The following MICU2 variants were observed in gnomAD, a reference collection of about 807,000 sequenced individuals.
MICU2 encodes calcium uptake protein 2, mitochondrial.
A neutral mutation model predicts 60.4 loss-of-function variants in MICU2; 64 were observed. The observed-to-expected ratio is 1.06, with a 90% CI of 0.87 to 1.31. The LOEUF (loss-of-function observed/expected upper bound fraction) is 1.31. Ranked by LOEUF, MICU2 falls within the 50% of genes most tolerant of loss-of-function variation. The pLI, the probability that MICU2 is intolerant of heterozygous loss-of-function variation, is 0.00. For missense variants in MICU2, 569 were observed against 531.0 expected (o/e 1.07, Z -0.70); for synonymous variants, 201 against 175.0 (o/e 1.15, Z -1.17).
chr13:21,501,294 GCT>G (rs1309732227), intron 9 of MICU2, among the ~76,000 whole-genome samples: 2 of 149,612 alleles, frequency 1.3e-5, no homozygotes, highest in African/African-American at 2.5e-5. Context: ...ACAGAGTCTT[GCT>G]CTGTCACCCA....
intron 1 of MICU2, among the ~76,000 whole-genome samples, chr13:21,589,782 C>G (rs1888538087): frequency 7.6e-6 from 1 of 131,526 alleles, no homozygotes; most frequent in Non-Finnish European, 1.8e-5. Flanking sequence ...AACCACTCAC[C>G]CCGTAGTGCA....
intron 1 of MICU2, among the ~76,000 whole-genome samples, chr13:21,602,475 T>C (rs1051893526): frequency 1.3e-5 from 2 of 152,070 alleles, no homozygotes; most frequent in Non-Finnish European, 2.9e-5. Context: ...TAAGCCGAGA[T>C]AGCGCCACTG....
intron 2 of MICU2, among the ~76,000 whole-genome samples, chr13:21,562,770 ACTGTTAT>A: frequency 6.6e-6 from 1 of 152,238 alleles, no homozygotes; most frequent in East Asian, 1.9e-4. Flanking sequence ...TTTTGATTAA[ACTGTTAT>A]CTGTTATATC....
intron 1 of MICU2, among the ~76,000 whole-genome samples, chr13:21,572,824 T>A (rs1888142271): frequency 6.6e-6 from 1 of 152,038 alleles, no homozygotes; most frequent in Non-Finnish European, 1.5e-5. Context: ...TTACAACCAA[T>A]CAACAGGCCC....
intron 2 of MICU2, among the ~76,000 whole-genome samples, chr13:21,559,802 G>A (rs1887796290): frequency 6.6e-6 from 1 of 152,150 alleles, no homozygotes; most frequent in South Asian, 2.1e-4. Context: ...TGGGATTACA[G>A]GGGTGAGCCA....
Position 21,508,360 on chromosome 13 carries a change from C to T in MICU2, c.761+1644G>A, listed in dbSNP as rs186397985. Among the ~76,000 whole-genome samples, 60 of 152,192 alleles carry T rather than the reference C, an allele frequency of 3.9e-4. No individual in the cohort carries two copies. The East Asian group carries it at 9.3e-3, about 24-fold the overall frequency. ...CAGGATGGTCTCGGTCTCCTGACCTCGTGATCCACCACCTCGGCCTTCCAA... is the reference window on the plus strand; with the variant it reads ...CAGGATGGTCTCGGTCTCCTGACCTTGTGATCCACCACCTCGGCCTTCCAA... On this transcript the variant is annotated intron_variant, in intron 8 of 11. Transcript: ENST00000382374.
intron 8 of MICU2, among the ~76,000 whole-genome samples, chr13:21,508,565 TA>T (rs2138145646): frequency 6.6e-6 from 1 of 152,316 alleles, no homozygotes; most frequent in South Asian, 2.1e-4. Flanking sequence ...ATCACTGAGT[TA>T]ATCAACAAGC....
At position 21,571,410 on chromosome 13, in the gene MICU2, A is replaced by G. The variant is rs115678129; in HGVS notation, c.211-4466T>C. ...GAAATTAAAATTTTAAAAAAAATCA[A>G]TATTAGGCTGGGCACGGGGGCTCAC... On this transcript the variant is annotated intron_variant, in intron 1 of 11. Coordinates refer to ENST00000382374, the MANE Select transcript of MICU2 (RefSeq NM_152726.3). Among the ~76,000 whole-genome samples, 656 of 152,258 alleles carry G rather than the reference A, an allele frequency of 4.3e-3. 6 individuals are homozygous for G. The highest frequency in any genetic ancestry group is 0.015 in the African/African-American group (603 of 41,560).
At chr13:21,550,725 G>A (rs1289293164) in intron 2 of MICU2, among the ~76,000 whole-genome samples, 1 of 152,124 alleles carries the variant, frequency 6.6e-6, no homozygotes, top group Admixed American at 6.6e-5. Context: ...AAGAGTGACA[G>A]TTTCAGAGCC....
chr13:21,603,991 T>G lies in MICU2; in HGVS notation c.158A>C (p.His53Pro), dbSNP rs569060051. ...ALAGAGAAWH[H>P]SRVSVAARDG... The stretch of plus-strand genomic sequence containing the variant: ...CCGCGCCGCAACACTGACGCGGCTG[T>G]GGTGCCAGGCCGCTCCTGCTCCTGC... The change falls in exon 1 of 12, where the codon CAC becomes CCC. Residue 53 changes from histidine to proline, a missense_variant. Physicochemically the swap from His to Pro is moderately conservative, Grantham distance 77. Transcript: ENST00000382374. 6.2e-4 allele frequency: 1,007 copies of G among 1,611,818 alleles called. 13 individuals carry two copies. The South Asian group carries it at 0.011, about 17-fold the overall frequency.
At position 21,559,290 on chromosome 13, in the gene MICU2, GCA is replaced by G. The variant is rs1377125568; in HGVS notation, c.358+7505_358+7506del. 3.9e-4 allele frequency among the ~76,000 whole-genome samples: 59 copies of G among 152,100 alleles called. 1 individual carries two copies. The highest frequency in any genetic ancestry group is 3.8e-3 in the Admixed American group (58 of 15,260). ...AATTTCATTGTGTGAATACACTGTA[GCA>G]CAGTTTATTTATCCAGTCTGTTATT... On this transcript the variant is annotated intron_variant, in intron 2 of 11. Transcript: ENST00000382374.
At chr13:21,526,007 T>C (rs1423851061) in intron 4 of MICU2, among the ~76,000 whole-genome samples, 1 of 151,830 alleles carries the variant, frequency 6.6e-6, no homozygotes, top group African/African-American at 2.4e-5. Flanking sequence ...CAGTAGTGGT[T>C]CACTGCAGCC....
intron 1 of MICU2, among the ~76,000 whole-genome samples, chr13:21,571,123 T>C (rs951871104): frequency 2.0e-5 from 3 of 152,188 alleles, no homozygotes; most frequent in Admixed American, 6.5e-5. Context: ...GCTATTTTCA[T>C]GTTCCCTGAA....
At chr13:21,512,951 A>G (rs1026037076) in intron 7 of MICU2, among the ~76,000 whole-genome samples, 17 of 152,196 alleles carry the variant, frequency 1.1e-4, no homozygotes, top group Non-Finnish European at 2.4e-4. Flanking sequence ...CAGTTGTACC[A>G]GCAACATTTG....
At chr13:21,532,299 C>A (rs144467851) in intron 4 of MICU2, among the ~76,000 whole-genome samples, 1 of 152,192 alleles carries the variant, frequency 6.6e-6, no homozygotes, top group Admixed American at 6.5e-5. Flanking sequence ...TATCTTCATA[C>A]CAAGAAAATA....
chr13:21,554,115 C>T (rs1887642548), intron 2 of MICU2, among the ~76,000 whole-genome samples: 1 of 152,146 alleles, frequency 6.6e-6, no homozygotes, highest in Non-Finnish European at 1.5e-5. Flanking sequence ...CAACATTAGA[C>T]AGATCAACGA....
At chr13:21,530,827 G>GC in intron 4 of MICU2, 1 of 735,870 alleles carries the variant, frequency 1.4e-6, no homozygotes, top group Non-Finnish European at 2.4e-6. Context: ...AAGCCGTGGT[G>GC]CCCCCATGGA....
rs184427397 is a variant in MICU2 at position 21,572,275 on chromosome 13, G to A, written c.211-5331C>T. Among the ~76,000 whole-genome samples the A allele has an allele frequency of 7.8e-3, 1,189 of 152,318 alleles. 10 individuals are homozygous for A. The highest frequency in any genetic ancestry group is 0.014 in the Non-Finnish European group (923 of 68,016). Reference sequence around the variant, plus strand: ...TACGCTGTGTCCGGGAAAAACATAAGCTACAAACGTATCTGTGGCTGTTTT... The same window carrying A: ...TACGCTGTGTCCGGGAAAAACATAAACTACAAACGTATCTGTGGCTGTTTT... On this transcript the variant is annotated intron_variant, in intron 1 of 11. Transcript: ENST00000382374.
intron 1 of MICU2, among the ~76,000 whole-genome samples, chr13:21,598,755 C>T (rs1176058552): frequency 1.3e-5 from 2 of 152,120 alleles, no homozygotes; most frequent in Non-Finnish European, 2.9e-5. Flanking sequence ...GAAAGCTTTA[C>T]TTTTAGTCTC....
Sources: gnomAD v4.1 joint callset for allele counts (sites outside exome capture counted in the v4.1 genomes callset) on GRCh38, gnomAD v4.1.1 for gene constraint, MANE v1.5 for transcripts, NCBI Gene and HGNC (gene_info 2026-07-23, HGNC 2026-07-21) for gene names.